The following NLN variants were observed in gnomAD, a reference collection of about 807,000 sequenced individuals.
NLN encodes neurolysin, mitochondrial.
A neutral mutation model predicts 79.9 loss-of-function variants in NLN; 64 were observed. The observed-to-expected ratio is 0.80, with a 90% CI of 0.65 to 0.99. NLN has a LOEUF of 0.99. Among genes scored for constraint, NLN ranks in the 50% least tolerant of loss-of-function variants. NLN has a pLI of 0.00. For synonymous variants in NLN, 267 were observed against 296.6 expected, an observed-to-expected ratio of 0.90 and a Z score of 1.02; for missense variants, 835 against 858.7, an observed-to-expected ratio of 0.97 and a Z score of 0.34.
chr5:65,736,311 A>C (rs1758726596), intron 1 of NLN, among the ~76,000 whole-genome samples: 1 of 152,056 alleles, frequency 6.6e-6, no homozygotes. Flanking sequence ...TATTCCAAAA[A>C]TTTACTTTTT....
rs1383511845 is a variant in NLN at position 65,736,024 on chromosome 5, AATG to A, written c.41+13613_41+13615del. On this transcript the variant is annotated intron_variant, in intron 1 of 12. Coordinates refer to ENST00000380985, the MANE Select transcript of NLN (RefSeq NM_020726.5). ...GGATGAAAAATGTGTCAATATATAA[AATG>A]ATATTTCTAGTATGAAAAATATATC... 2.7e-4 allele frequency among the ~76,000 whole-genome samples: 41 copies of A among 152,368 alleles called. No individual in the cohort carries two copies. The South Asian group carries it at 7.9e-3, about 29-fold the overall frequency.
At chr5:65,811,548 T>G (rs961091605) in intron 11 of NLN, among the ~76,000 whole-genome samples, 6 of 152,104 alleles carry the variant, frequency 3.9e-5, no homozygotes, top group African/African-American at 1.2e-4. Context: ...CAAGGCACGG[T>G]GACTCACGCC....
chr5:65,811,300 AC>A (rs1481603002), intron 11 of NLN, among the ~76,000 whole-genome samples: 2 of 152,126 alleles, frequency 1.3e-5, no homozygotes, highest in Non-Finnish European at 2.9e-5. Flanking sequence ...CCTTTGTGTC[AC>A]AAGCCTTTGT....
In NLN at chr5:65,788,373, T is replaced by C; in HGVS notation, c.1214T>C (p.Phe405Ser). 1 of 1,614,188 alleles carries C rather than the reference T, an allele frequency of 6.2e-7. No homozygotes were observed. Among genetic ancestry groups the C allele is most frequent in the Non-Finnish European group, 8.5e-7 (1 of 1,180,022 alleles). The change falls in exon 8 of 13, where the codon TTT (phenylalanine) becomes TCT (serine). Residue 405 changes from phenylalanine to serine, a missense_variant. Transcript: ENST00000380985. ...NTYQELLGLS[F>S]EQMTDAHVWN... ...TACCAGGAGTTGTTGGGACTTTCAT[T>C]TGAACAAATGACAGATGCTCATGTT...
chr5:65,753,310 G>A (rs1759142200), intron 1 of NLN, among the ~76,000 whole-genome samples: 1 of 152,110 alleles, frequency 6.6e-6, no homozygotes, highest in African/African-American at 2.4e-5. Flanking sequence ...GAAAACCAAC[G>A]AAGGTCATCT....
Position 65,792,637 on chromosome 5 carries a change from G to A in NLN, c.1509G>A (p.Met503Ile), listed in dbSNP as rs375581122. The A allele has an allele frequency of 5.9e-5, 95 of 1,613,696 alleles. No homozygotes were observed. Among genetic ancestry groups the A allele is most frequent in the African/African-American group, 2.8e-4 (21 of 75,004 alleles). ...RTYFHEFGHV[M>I]HQICAQTDFA... ...ACTTTCATGAGTTTGGTCACGTGAT[G>A]CATCAGATTTGTGCACAGGTGAGTT... is the stretch of plus-strand genomic sequence containing the variant. The change falls in exon 9 of 13, where the codon ATG (methionine) becomes ATA (isoleucine). Residue 503 changes from methionine to isoleucine, a missense_variant. Coordinates refer to ENST00000380985, the MANE Select transcript of NLN (RefSeq NM_020726.5).
rs149748096 is a variant in NLN, at chr5:65,730,876, C to T, written c.41+8462C>T. Among the ~76,000 whole-genome samples, 8 of 152,248 alleles carry T rather than the reference C, an allele frequency of 5.3e-5. No homozygotes were observed. In the East Asian group the frequency reaches 1.5e-3, roughly 29 times the overall value. On this transcript the variant is annotated intron_variant, in intron 1 of 12. Transcript: ENST00000380985. ...CTGTACTCACCTTTTAAGATTGAAACAAATATAGAACACTTTGAACATTGC... is the reference window on the plus strand; with the variant it reads ...CTGTACTCACCTTTTAAGATTGAAATAAATATAGAACACTTTGAACATTGC...
At position 65,822,840 on chromosome 5, in the gene NLN, C is replaced by T. The variant is rs1266884730; in HGVS notation, c.2040C>T (p.Asp680=). ...LKPGGSLDGM[D]MLHNFLKREP... ...CTGGGGGATCTCTGGACGGCATGGA[C>T]ATGCTCCACAATTTCTTGAAACGTG... The change falls in exon 13 of 13, where the codon GAC becomes GAT. Residue 680 remains aspartate (D), a synonymous_variant. Transcript: ENST00000380985. 1.2e-6 allele frequency: 2 copies of T among 1,611,424 alleles called. No homozygotes were observed.
Position 65,825,478 on chromosome 5 carries a change from C to T in NLN, c.*2563C>T, listed in dbSNP as rs1348512022. The stretch of plus-strand genomic sequence containing the variant: ...ATGCAAATGGATAGTAGGCATGATC[C>T]TAAAGGTTTAGTTTTACGATGCTGC... On this transcript the variant is annotated 3_prime_UTR_variant, in exon 13 of 13. Transcript: ENST00000380985. 2.6e-5 allele frequency: 4 copies of T among 151,878 alleles called. No individual in the cohort carries two copies. The highest frequency in any genetic ancestry group is 6.6e-5 in the Admixed American group (1 of 15,246). The allele number at this position is 151,878 out of a possible 1,614,324, so 9.4% of individuals were successfully genotyped here.
At chr5:65,744,270 T>A (rs575667815) in intron 1 of NLN, among the ~76,000 whole-genome samples, 1 of 152,284 alleles carries the variant, frequency 6.6e-6, no homozygotes, top group East Asian at 1.9e-4. Context: ...ATTGCTGGGA[T>A]TACAGGCGTG....
intron 1 of NLN, among the ~76,000 whole-genome samples, chr5:65,741,686 G>A (rs1361754173): frequency 6.6e-6 from 1 of 152,102 alleles, no homozygotes; most frequent in African/African-American, 2.4e-5. Flanking sequence ...AAAATAAAAG[G>A]GGAATATCTG....
Position 65,722,345 on chromosome 5 carries a change from C to G in NLN, c.-29C>G, listed in dbSNP as rs1417657721. On this transcript the variant is annotated 5_prime_UTR_variant, in exon 1 of 13. Transcript: ENST00000380985. ...CCGCCCCACGCCGAAGGACCACGCG[C>G]CCGCCGCCGCCAGCCTCTCAGCGCT... 6 of 1,539,696 alleles carry G rather than the reference C, an allele frequency of 3.9e-6. No individual in the cohort carries two copies. The highest frequency in any genetic ancestry group is 1.4e-5 in the African/African-American group (1 of 69,916).
intron 3 of NLN, among the ~76,000 whole-genome samples, chr5:65,771,958 A>C (rs576674047): frequency 8.9e-5 from 10 of 112,124 alleles, no homozygotes; most frequent in African/African-American, 3.3e-4. Flanking sequence ...ACCTTAAAAC[A>C]ATGACAAAAA....
chr5:65,804,892 G>T (rs1760376998), intron 9 of NLN, among the ~76,000 whole-genome samples: 1 of 152,054 alleles, frequency 6.6e-6, no homozygotes. Context: ...CCTTTTTTAT[G>T]AAATAGAGAC....
intron 1 of NLN, among the ~76,000 whole-genome samples, chr5:65,751,351 T>C (rs1759096968): frequency 6.6e-6 from 1 of 152,246 alleles, no homozygotes; most frequent in African/African-American, 2.4e-5. Context: ...TTACTTGTGA[T>C]GATGAGGGAA....
chr5:65,758,781 G>A lies in NLN; in HGVS notation c.256G>A (p.Glu86Lys), dbSNP rs1012242173. 30 of 1,613,786 alleles carry A rather than the reference G, an allele frequency of 1.9e-5. No homozygotes were observed. The East Asian group carries it at 5.1e-4, about 28-fold the overall frequency. The change falls in exon 2 of 13, where the codon GAG becomes AAG. Residue 86 changes from glutamate to lysine, a missense_variant. Transcript: ENST00000380985. ...GCTCGGTATTGAGGAAGTAACTTACGAGAACTGTCTGCAGGCACTGGCAGA... is the reference window on the plus strand; with the variant it reads ...GCTCGGTATTGAGGAAGTAACTTACAAGAACTGTCTGCAGGCACTGGCAGA... ...GMLGIEEVTY[E>K]NCLQALADVE...
Position 65,767,349 on chromosome 5 carries a change from G to T in NLN, c.450+4241G>T, listed in dbSNP as rs182374145. On this transcript the variant is annotated intron_variant, in intron 3 of 12. Transcript: ENST00000380985. ...CCAATACCATGTGGAAACCACCAAG[G>T]CTTGGGGCTTGCGTCCTGTGAAGCA... Among the ~76,000 whole-genome samples, 621 of 152,294 alleles carry T rather than the reference G, an allele frequency of 4.1e-3. 7 individuals carry two copies. The highest frequency in any genetic ancestry group is 0.014 in the African/African-American group (598 of 41,556).
intron 1 of NLN, among the ~76,000 whole-genome samples, chr5:65,750,528 C>T (rs1759081974): frequency 6.6e-6 from 1 of 152,090 alleles, no homozygotes; most frequent in Non-Finnish European, 1.5e-5. Flanking sequence ...TCATTATGGG[C>T]AACATAGCAA....
At chr5:65,753,809 C>G (rs967707552) in intron 1 of NLN, among the ~76,000 whole-genome samples, 1 of 152,114 alleles carries the variant, frequency 6.6e-6, no homozygotes, top group Non-Finnish European at 1.5e-5. Context: ...GTAACTCAGT[C>G]ATCTCAGGGC....
Sources: gnomAD v4.1 joint callset for allele counts (sites outside exome capture counted in the v4.1 genomes callset) on GRCh38, gnomAD v4.1.1 for gene constraint, MANE v1.5 for transcripts, NCBI Gene and HGNC (gene_info 2026-07-23, HGNC 2026-07-21) for gene names.